Variants in COG3 observed in about 807,000 individuals in gnomAD.
COG3 encodes conserved oligomeric Golgi complex subunit 3.
Under a neutral mutation model 114.1 loss-of-function variants are expected in COG3, and 32 were observed. That is an observed-to-expected ratio of 0.28 (90% CI 0.21 to 0.38). COG3 has a LOEUF of 0.38. Among genes scored for constraint, COG3 ranks in the 10% least tolerant of loss-of-function variants. The probability of loss-of-function intolerance (pLI) is 1.00; values close to 1 mark genes in which losing one functional copy is unlikely to be tolerated. For synonymous variants in COG3, 352 were observed against 365.7 expected, an observed-to-expected ratio of 0.96 and a Z score of 0.43; for missense variants, 813 against 973.2, an observed-to-expected ratio of 0.84 and a Z score of 2.19.
intron 20 of COG3, among the ~76,000 whole-genome samples, chr13:45,528,336 G>A (rs1223179907): frequency 6.6e-6 from 1 of 151,980 alleles, no homozygotes; most frequent in Non-Finnish European, 1.5e-5. Context: ...TAACAAACTT[G>A]CTTTTGCTTT....
Position 45,511,865 on chromosome 13 carries a change from G to A in COG3, c.1809+11G>A, listed in dbSNP as rs1267440923. On this transcript the variant is annotated intron_variant, in intron 16 of 22. Coordinates refer to ENST00000349995, the MANE Select transcript of COG3 (RefSeq NM_031431.4). The stretch of plus-strand genomic sequence containing the variant: ...ATCAGCAAAAACAAGGTTTGATGAA[G>A]TGTTAGGTGAAATCCTGTTTCCTGG... 6.3e-7 allele frequency: 1 copy of A among 1,598,376 alleles called. No homozygotes were observed. The highest frequency in any genetic ancestry group is 8.6e-7 in the Non-Finnish European group (1 of 1,165,782).
At chr13:45,499,888 G>A (rs1869262653) in intron 13 of COG3, among the ~76,000 whole-genome samples, 1 of 152,042 alleles carries the variant, frequency 6.6e-6, no homozygotes, top group South Asian at 2.1e-4. Flanking sequence ...CAGGCATGGT[G>A]GCGGCTGTAG....
At chr13:45,478,973 T>G in intron 2 of COG3, 32 bp from the exon 3 acceptor site, 1 of 1,545,078 alleles carries the variant, frequency 6.5e-7, no homozygotes, top group South Asian at 1.1e-5. Context: ...CAGTTTTAGT[T>G]TTGTTCACAA....
intron 1 of COG3, 163 bp downstream of exon 1, chr13:45,465,373 C>T: frequency 1.6e-6 from 2 of 1,230,374 alleles, no homozygotes; most frequent in Non-Finnish European, 2.2e-6. Flanking sequence ...CCCAGGCTGT[C>T]AGGCTTCGCT....
chr13:45,496,153 T>C lies in COG3; in HGVS notation c.1329T>C (p.Ala443=), dbSNP rs772995062. The C allele has an allele frequency of 6.2e-7, 1 of 1,605,694 alleles. No homozygotes were observed. The highest frequency in any genetic ancestry group is 8.5e-7 in the Non-Finnish European group (1 of 1,175,304). ...TGGATGATTGCACTTTTTTATCAGC[T>C]GAGCAACTGGGGGCATTTGCAGCTG... is the stretch of plus-strand genomic sequence containing the variant. The part of the protein sequence containing the change: ...EVLEDHVQNN[A]EQLGAFAAGV... Residue 443 remains alanine (A), a splice_region_variant and synonymous_variant, in exon 13 of 23, where the codon GCT becomes GCC. Transcript: ENST00000349995.
intron 8 of COG3, 98 bp from the exon 9 acceptor site, chr13:45,490,817 A>G (rs1886972428): frequency 1.8e-6 from 1 of 559,116 alleles, no homozygotes; most frequent in South Asian, 4.0e-5. Context: ...TTATATTTAC[A>G]GTTTTTCTGA....
chr13:45,532,730 T>A (rs1434010038), intron 22 of COG3, among the ~76,000 whole-genome samples: 1 of 151,850 alleles, frequency 6.6e-6, no homozygotes, highest in Admixed American at 6.6e-5. Context: ...CAATTTTTTT[T>A]ATATTTTTAG....
intron 19 of COG3, among the ~76,000 whole-genome samples, chr13:45,524,151 C>T (rs1872456209): frequency 6.6e-6 from 1 of 152,148 alleles, no homozygotes; most frequent in African/African-American, 2.4e-5. Flanking sequence ...GTTTGTATGG[C>T]CTTTTGTCTG....
chr13:45,493,503 G>A lies in COG3; in HGVS notation c.1327+17G>A. ...AGAACAATGGTAAATGAGTAGAAATGATCATTTTAAGTTATATCACTGGCT... is the reference window on the plus strand; with the variant it reads ...AGAACAATGGTAAATGAGTAGAAATAATCATTTTAAGTTATATCACTGGCT... On this transcript the variant is annotated intron_variant, in intron 12 of 22. Transcript: ENST00000349995. 1 of 1,602,986 alleles carries A rather than the reference G, an allele frequency of 6.2e-7. No homozygotes were observed. Among genetic ancestry groups the A allele is most frequent in the Non-Finnish European group, 8.5e-7 (1 of 1,173,500 alleles).
chr13:45,478,949 A>G, intron 2 of COG3, 56 bp from the exon 3 acceptor site: 1 of 1,235,500 alleles, frequency 8.1e-7, no homozygotes, highest in South Asian at 1.2e-5. Context: ...GCATGTAGCC[A>G]CTTTTAATTT....
At chr13:45,488,255 G>C (rs79869786) in intron 8 of COG3, among the ~76,000 whole-genome samples, 3,231 of 152,190 alleles carry the variant, frequency 0.021, 109 homozygotes, top group African/African-American at 0.073. Flanking sequence ...GGAGAGGTTG[G>C]TTAATGGGTA....
rs1885249372 is a variant in COG3 at position 45,467,932 on chromosome 13, A to G, written c.174+2722A>G. On this transcript the variant is annotated intron_variant, in intron 1 of 22. Coordinates refer to ENST00000349995, the MANE Select transcript of COG3 (RefSeq NM_031431.4). Reference sequence around the variant, plus strand: ...GCCAACTAACTCTTAAGTACATATCATAAAGATGTTAACTTCTTTAGAAAA... The same window carrying G: ...GCCAACTAACTCTTAAGTACATATCGTAAAGATGTTAACTTCTTTAGAAAA... 2.6e-5 allele frequency among the ~76,000 whole-genome samples: 4 copies of G among 152,228 alleles called. No homozygotes were observed. The South Asian group carries it at 8.3e-4, about 32-fold the overall frequency.
At position 45,536,088 on chromosome 13, in the gene COG3, G is replaced by A. The variant is rs1365503612; in HGVS notation, c.*1357G>A. ...TCAGTTTAAATTGGTGATGGACGTTGCTTGATTGAGCTTATTACTCTCTAT... is the reference window on the plus strand; with the variant it reads ...TCAGTTTAAATTGGTGATGGACGTTACTTGATTGAGCTTATTACTCTCTAT... On this transcript the variant is annotated 3_prime_UTR_variant, in exon 23 of 23. Coordinates refer to ENST00000349995, the MANE Select transcript of COG3 (RefSeq NM_031431.4). The A allele has an allele frequency of 6.5e-6, 1 of 154,006 alleles. No individual in the cohort carries two copies. Among genetic ancestry groups the A allele is most frequent in the Non-Finnish European group, 1.4e-5 (1 of 69,678 alleles). 9.5% of individuals were successfully genotyped at this position (154,006 alleles called of 1,614,324 possible).
At chr13:45,498,356 CTT>C (rs61289410) in intron 13 of COG3, among the ~76,000 whole-genome samples, 9,761 of 117,512 alleles carry the variant, frequency 0.083, 823 homozygotes, top group African/African-American at 0.28. Flanking sequence ...CTTCAGATGT[CTT>C]TTTTTTTTTT....
chr13:45,529,661 A>T (rs1872993622), intron 20 of COG3, 130 bp from the exon 21 acceptor site: 1 of 658,274 alleles, frequency 1.5e-6, no homozygotes, highest in African/African-American at 1.8e-5. Context: ...TAAAAATGAA[A>T]GAAATTCTTT....
intron 7 of COG3, among the ~76,000 whole-genome samples, chr13:45,486,077 A>G (rs1434946414): frequency 2.4e-5 from 3 of 123,156 alleles, no homozygotes; most frequent in African/African-American, 3.9e-5. Flanking sequence ...CGGGAGGCCG[A>G]GGTTGGCGGA....
intron 1 of COG3, among the ~76,000 whole-genome samples, 162 bp from the exon 2 acceptor site, chr13:45,476,039 G>A (rs1262350653): frequency 6.6e-6 from 1 of 151,510 alleles, no homozygotes; most frequent in African/African-American, 2.4e-5. Flanking sequence ...ATTTAATATA[G>A]AGCCTAAAAT....
chr13:45,472,372 T>C (rs1274396181), intron 1 of COG3, among the ~76,000 whole-genome samples: 8 of 152,128 alleles, frequency 5.3e-5, no homozygotes, highest in African/African-American at 1.9e-4. Flanking sequence ...TATCTTTCAT[T>C]ATTTTTGGAA....
chr13:45,493,166 A>C (rs1887120167), intron 11 of COG3, among the ~76,000 whole-genome samples, 181 bp from the exon 12 acceptor site: 1 of 152,214 alleles, frequency 6.6e-6, no homozygotes, highest in Non-Finnish European at 1.5e-5. Flanking sequence ...CTTTTAAAGC[A>C]AAAACTGTTT....
Sources: allele counts gnomAD v4.1 joint callset (sites outside exome capture counted in the v4.1 genomes callset), GRCh38; gene constraint gnomAD v4.1.1; transcripts MANE v1.5; gene names NCBI Gene and HGNC (gene_info 2026-07-23, HGNC 2026-07-21).